Variants in CFTR observed in about 807,000 individuals in gnomAD.
CFTR encodes the protein CF transmembrane conductance regulator, also known as cystic fibrosis transmembrane conductance regulator.
Under a neutral mutation model 171.6 loss-of-function variants are expected in CFTR, and 181 were observed. The ratio of observed to expected loss-of-function variants is 1.05; its 90% CI spans 0.93 to 1.19. The LOEUF (loss-of-function observed/expected upper bound fraction) is 1.19, where lower values mean the gene tolerates loss of function less well. Among genes scored for constraint, CFTR ranks in the 50% most tolerant of loss-of-function variants. The pLI is 0.00. For missense variants in CFTR, 1,968 were observed against 1,734.7 expected (o/e 1.13, Z -2.39); for synonymous variants, 583 against 608.0 (o/e 0.96, Z 0.60).
Position 117,493,576 on chromosome 7 carries a change from C to T in CFTR, c.54-10677C>T, listed in dbSNP as rs1182652844. Among the ~76,000 whole-genome samples the T allele has an allele frequency of 2.0e-5, 3 of 152,100 alleles. No individual in the cohort carries two copies. The East Asian group carries it at 5.8e-4, about 29-fold the overall frequency. On this transcript the variant is annotated intron_variant, in intron 1 of 26. Transcript: ENST00000003084. ...CTCAAGCTTTGCTATTGATCTCCCT[C>T]CCAGTGATAATAAAGCTTGAAGAAA...
intron 15 of CFTR, among the ~76,000 whole-genome samples, chr7:117,601,340 A>G (rs2213958): frequency 6.6e-6 from 1 of 151,862 alleles, no homozygotes; most frequent in Non-Finnish European, 1.5e-5. Context: ...TAGTTTTTAC[A>G]GATACAGTGC....
At chr7:117,665,345 A>G in intron 25 of CFTR, 114 bp from the exon 26 acceptor site, 1 of 709,440 alleles carries the variant, frequency 1.4e-6, no homozygotes, top group Admixed American at 2.5e-5. Flanking sequence ...TGTGAAAAGA[A>G]CTTAAAGAAA....
intron 24 of CFTR, among the ~76,000 whole-genome samples, chr7:117,657,635 C>T (rs1364538351): frequency 1.3e-5 from 2 of 152,162 alleles, no homozygotes; most frequent in Non-Finnish European, 2.9e-5. Flanking sequence ...GACATTATGA[C>T]AAAAGTGCAA....
chr7:117,573,635 T>G (rs1192988501), intron 11 of CFTR, among the ~76,000 whole-genome samples: 1 of 152,146 alleles, frequency 6.6e-6, no homozygotes, highest in Non-Finnish European at 1.5e-5. Flanking sequence ...TATTAAGAAC[T>G]AATGATCCAA....
intron 1 of CFTR, among the ~76,000 whole-genome samples, chr7:117,491,573 G>T (rs1584769129): frequency 6.6e-6 from 1 of 152,020 alleles, no homozygotes; most frequent in African/African-American, 2.4e-5. Flanking sequence ...CTGGTGGTTT[G>T]CTAGAAATCC....
At chr7:117,545,697 G>C (rs953887579) in intron 9 of CFTR, among the ~76,000 whole-genome samples, 1 of 152,100 alleles carries the variant, frequency 6.6e-6, no homozygotes, top group Non-Finnish European at 1.5e-5. Flanking sequence ...GACAGTTTAA[G>C]TAACTCAAGC....
intron 11 of CFTR, among the ~76,000 whole-genome samples, chr7:117,575,432 G>A (rs918400534): frequency 6.6e-6 from 1 of 152,052 alleles, no homozygotes; most frequent in Non-Finnish European, 1.5e-5. Context: ...GTAAGTTATT[G>A]TGGTGGCCAT....
intron 1 of CFTR, among the ~76,000 whole-genome samples, chr7:117,495,731 CTT>C (rs1055288751): frequency 1.3e-5 from 2 of 152,084 alleles, no homozygotes; most frequent in Non-Finnish European, 2.9e-5. Flanking sequence ...ATTTGAAAGA[CTT>C]TAGTGTATCA....
At chr7:117,542,390 T>C (rs1481142068) in intron 9 of CFTR, among the ~76,000 whole-genome samples, 2 of 151,868 alleles carry the variant, frequency 1.3e-5, no homozygotes, top group African/African-American at 4.8e-5. Context: ...CTACTAAAAA[T>C]ACAAAAAATT....
At chr7:117,525,278 T>G (rs546855479) in intron 3 of CFTR, among the ~76,000 whole-genome samples, 42 of 151,874 alleles carry the variant, frequency 2.8e-4, no homozygotes, top group Admixed American at 1.7e-3. Flanking sequence ...CTTTTACATT[T>G]GCTGAGGAGA....
chr7:117,597,228 A>C (rs1792145451), intron 15 of CFTR, among the ~76,000 whole-genome samples: 1 of 152,222 alleles, frequency 6.6e-6, no homozygotes, highest in African/African-American at 2.4e-5. Flanking sequence ...AGCCAGCGAG[A>C]TCACGAACCC....
intron 15 of CFTR, among the ~76,000 whole-genome samples, chr7:117,595,566 T>C (rs1351728491): frequency 6.6e-6 from 1 of 151,830 alleles, no homozygotes; most frequent in Non-Finnish European, 1.5e-5. Flanking sequence ...ATTAAAAAAC[T>C]GAAAATAGAA....
At chr7:117,614,834 A>T in intron 21 of CFTR, 121 bp downstream of exon 21, 1 of 708,890 alleles carries the variant, frequency 1.4e-6, no homozygotes. Context: ...AACATTACAG[A>T]TAAATTGAGG....
At chr7:117,600,931 T>C (rs1792214606) in intron 15 of CFTR, among the ~76,000 whole-genome samples, 1 of 152,086 alleles carries the variant, frequency 6.6e-6, no homozygotes, top group African/African-American at 2.4e-5. Context: ...AAATATTTTG[T>C]TCTACTCAAT....
intron 10 of CFTR, among the ~76,000 whole-genome samples, chr7:117,554,342 A>T (rs1266342370): frequency 4.6e-5 from 7 of 152,192 alleles, no homozygotes; most frequent in Admixed American, 3.9e-4. Flanking sequence ...ACAATGGCAT[A>T]TGAGAAAAGT....
At chr7:117,535,558 C>G in intron 6 of CFTR, 147 bp downstream of exon 6, 2 of 635,428 alleles carry the variant, frequency 3.1e-6, no homozygotes, top group East Asian at 3.0e-5. Flanking sequence ...GAGACAGAGT[C>G]TAGATCTGTC....
intron 15 of CFTR, among the ~76,000 whole-genome samples, chr7:117,597,042 G>A (rs1382638302): frequency 6.6e-6 from 1 of 152,194 alleles, no homozygotes; most frequent in Non-Finnish European, 1.5e-5. Flanking sequence ...TGTGGGTGGG[G>A]CCAGATAAGA....
At chr7:117,602,460 A>G (rs533755404) in intron 15 of CFTR, among the ~76,000 whole-genome samples, 40 of 152,358 alleles carry the variant, frequency 2.6e-4, no homozygotes, top group Non-Finnish European at 4.6e-4. Context: ...AAACAGATTA[A>G]TTATCTGCCA....
chr7:117,532,077 T>TAA (rs563899488), intron 4 of CFTR, among the ~76,000 whole-genome samples: 11 of 138,422 alleles, frequency 7.9e-5, no homozygotes, highest in Middle Eastern at 3.6e-3. Flanking sequence ...AGGCAGAAGT[T>TAA]AAAAAAAAAA....
Sources: allele counts gnomAD v4.1 joint callset (sites outside exome capture counted in the v4.1 genomes callset), GRCh38; gene constraint gnomAD v4.1.1; transcripts MANE v1.5; gene names NCBI Gene and HGNC (gene_info 2026-07-23, HGNC 2026-07-21).